NRG1: variants seen among roughly 807,000 people sequenced by gnomAD.
The protein encoded by NRG1 is neuregulin 1, also known as pro-neuregulin-1, membrane-bound isoform.
In NRG1, 18 loss-of-function variants were observed where a neutral mutation model predicts 63.8. That is an observed-to-expected ratio of 0.28 (90% CI 0.19 to 0.42). The LOEUF (loss-of-function observed/expected upper bound fraction) is 0.42. Ranked by LOEUF, NRG1 falls within the 10% of genes least tolerant of loss-of-function variation. The pLI, the probability that NRG1 is intolerant of heterozygous loss-of-function variation, is 1.00. For synonymous variants in NRG1, 302 were observed against 301.3 expected, an observed-to-expected ratio of 1.00 and a Z score of -0.02; for missense variants, 762 against 814.7, an observed-to-expected ratio of 0.94 and a Z score of 0.79.
At chr8:32,132,060 G>A (rs946915375) in intron 1 of NRG1, among the ~76,000 whole-genome samples, 21 of 151,934 alleles carry the variant, frequency 1.4e-4, no homozygotes, top group African/African-American at 4.8e-4. Flanking sequence ...TTTGGCAATT[G>A]GGCTGAAGCC....
chr8:32,366,677 G>GTGTGTA lies in NRG1; in HGVS notation c.38-229150_38-229149insGTGTAT, dbSNP rs1164696498. Among the ~76,000 whole-genome samples, 195 of 87,424 alleles carry GTGTGTA rather than the reference G, an allele frequency of 2.2e-3. No individual in the cohort carries two copies. The Middle Eastern group carries it at 0.022, about 10-fold the overall frequency. 57.4% of individuals were successfully genotyped at this position (87,424 alleles called of 152,430 possible). A position where few individuals can be genotyped will look rare whatever the true frequency, so the allele number is the denominator to read the frequency against. Reference sequence around the variant, plus strand: ...ATTGTGTGTGTGTGTGTGTGTGTGTGTATATATATATATATATATATATAT... The same window carrying GTGTGTA: ...ATTGTGTGTGTGTGTGTGTGTGTGTGTGTGTATATATATATATATATATATATATAT... On this transcript the variant is annotated intron_variant, in intron 1 of 10. Coordinates refer to the NRG1 transcript ENST00000519301.
intron 1 of NRG1, among the ~76,000 whole-genome samples, chr8:32,593,876 A>C (rs1842924622): frequency 6.9e-6 from 1 of 145,982 alleles, no homozygotes; most frequent in Non-Finnish European, 1.5e-5. Context: ...AAAAAAAAAG[A>C]ACCAGACAAA....
intron 1 of NRG1, among the ~76,000 whole-genome samples, chr8:32,032,184 G>A (rs868144930): frequency 1.3e-5 from 2 of 151,832 alleles, no homozygotes; most frequent in Admixed American, 6.6e-5. Context: ...GTTTTGATTT[G>A]CATTTCTCTA....
At chr8:32,756,407 C>G in exon 9 of NRG1, 2 of 1,608,984 alleles carry the variant, frequency 1.2e-6, no homozygotes, top group East Asian at 2.2e-5. Flanking sequence ...GTCCAGGAAA[C>G]AGCGGAAAAA....
At chr8:31,943,348 A>G (rs904910702) in intron 1 of NRG1, among the ~76,000 whole-genome samples, 4 of 152,126 alleles carry the variant, frequency 2.6e-5, no homozygotes, top group African/African-American at 9.7e-5. Context: ...ATCCAAAGGC[A>G]TAAGAATGAT....
chr8:32,748,581 G>T (rs1828031115), intron 7 of NRG1: 1 of 363,222 alleles, frequency 2.8e-6, no homozygotes, highest in South Asian at 2.0e-5. Flanking sequence ...AGTCTCTGGA[G>T]TCCCAGCTGC....
At chr8:32,629,254 C>T (rs931946606) in intron 5 of NRG1, among the ~76,000 whole-genome samples, 1 of 152,040 alleles carries the variant, frequency 6.6e-6, no homozygotes, top group Non-Finnish European at 1.5e-5. Context: ...ATCTTCTAGT[C>T]CCCAGCAGTT....
At chr8:32,169,124 G>T (rs946681496) in intron 1 of NRG1, among the ~76,000 whole-genome samples, 1 of 152,136 alleles carries the variant, frequency 6.6e-6, no homozygotes, top group Non-Finnish European at 1.5e-5. Context: ...ATTCGATGTA[G>T]AGTTGATGGG....
chr8:32,161,433 G>T (rs188947247), intron 1 of NRG1, among the ~76,000 whole-genome samples: 1 of 152,034 alleles, frequency 6.6e-6, no homozygotes, highest in Non-Finnish European at 1.5e-5. Context: ...AACCTGAAAT[G>T]ATACAATTAA....
intron 1 of NRG1, among the ~76,000 whole-genome samples, chr8:32,095,103 G>C (rs1829725285): frequency 6.6e-6 from 1 of 151,888 alleles, no homozygotes; most frequent in African/African-American, 2.4e-5. Flanking sequence ...GTAGAGACAG[G>C]GTTTCACCAT....
chr8:32,226,590 A>G (rs1020122177), intron 1 of NRG1, among the ~76,000 whole-genome samples: 2 of 152,192 alleles, frequency 1.3e-5, no homozygotes, highest in African/African-American at 2.4e-5. Context: ...TCATTAGATG[A>G]AACTGTTAAA....
intron 1 of NRG1, among the ~76,000 whole-genome samples, chr8:32,065,699 C>T (rs1159731864): frequency 2.0e-5 from 3 of 151,974 alleles, no homozygotes; most frequent in African/African-American, 7.3e-5. Flanking sequence ...GGGTATATAC[C>T]CAGTAATGGG....
intron 1 of NRG1, among the ~76,000 whole-genome samples, chr8:31,664,324 A>G (rs1377249373): frequency 6.6e-6 from 1 of 152,112 alleles, no homozygotes; most frequent in Non-Finnish European, 1.5e-5. Context: ...GATTTAAATG[A>G]GTGGAGAAGG....
At chr8:31,783,611 A>AC (rs927096615) in intron 1 of NRG1, among the ~76,000 whole-genome samples, 2 of 151,798 alleles carry the variant, frequency 1.3e-5, no homozygotes, top group African/African-American at 2.4e-5. Context: ...GGCAAAAAAA[A>AC]AAAAAAACAA....
intron 2 of NRG1, among the ~76,000 whole-genome samples, chr8:32,599,515 A>G (rs1007125404): frequency 3.3e-5 from 5 of 152,160 alleles, no homozygotes; most frequent in Non-Finnish European, 7.3e-5. Flanking sequence ...CCTACTAAAA[A>G]CTACATTCCT....
chr8:32,131,626 G>A lies in NRG1; in HGVS notation c.38-464202G>A, dbSNP rs546045315. ...CTTCTAAGGGTAGGTACACTAATGTGTGATCCCACAGAAAAGGGCATGAAA... is the reference window on the plus strand; with the variant it reads ...CTTCTAAGGGTAGGTACACTAATGTATGATCCCACAGAAAAGGGCATGAAA... On this transcript the variant is annotated intron_variant, in intron 1 of 10. Transcript: ENST00000519301. Among the ~76,000 whole-genome samples, 43 of 152,138 alleles carry A rather than the reference G, an allele frequency of 2.8e-4. 1 individual carries two copies. Among genetic ancestry groups the A allele is most frequent in the African/African-American group, 9.9e-4 (41 of 41,536 alleles).
intron 1 of NRG1, among the ~76,000 whole-genome samples, chr8:32,073,462 C>T (rs958522510): frequency 1.3e-5 from 2 of 152,078 alleles, no homozygotes; most frequent in African/African-American, 4.8e-5. Flanking sequence ...AAGCAGAATT[C>T]CATCCAGCTC....
chr8:32,353,856 A>T (rs1484671912), intron 1 of NRG1, among the ~76,000 whole-genome samples: 1 of 152,222 alleles, frequency 6.6e-6, no homozygotes, highest in East Asian at 1.9e-4. Flanking sequence ...GTCCATACAA[A>T]GACTTGTATG....
chr8:31,719,201 T>C (rs1386693164), intron 1 of NRG1, among the ~76,000 whole-genome samples: 1 of 152,192 alleles, frequency 6.6e-6, no homozygotes, highest in African/African-American at 2.4e-5. Flanking sequence ...GTAACCTGTC[T>C]TTAAGATAGT....
Sources: gnomAD v4.1 joint callset for allele counts (sites outside exome capture counted in the v4.1 genomes callset) on GRCh38, gnomAD v4.1.1 for gene constraint, MANE v1.5 for transcripts, NCBI Gene and HGNC (gene_info 2026-07-23, HGNC 2026-07-21) for gene names.